ANKRD44: variants seen among roughly 807,000 people sequenced by gnomAD.
The protein encoded by ANKRD44 is ankyrin repeat domain 44, also known as serine/threonine-protein phosphatase 6 regulatory ankyrin repeat subunit B.
ANKRD44 carries 35 observed loss-of-function variants against 116.0 expected under a neutral mutation model. The ratio of observed to expected loss-of-function variants is 0.30; its 90% CI spans 0.23 to 0.40. The LOEUF (loss-of-function observed/expected upper bound fraction) is 0.40. ANKRD44 is among the 10% of genes least tolerant of loss of function. The pLI, the probability that ANKRD44 is intolerant of heterozygous loss-of-function variation, is 1.00. For missense variants in ANKRD44, 1,014 were observed against 1,242.6 expected (o/e 0.82, Z 2.77); for synonymous variants, 435 against 461.8 (o/e 0.94, Z 0.74).
intron 1 of ANKRD44, among the ~76,000 whole-genome samples, chr2:197,190,335 T>C (rs1277055300): frequency 1.3e-5 from 2 of 152,232 alleles, no homozygotes; most frequent in South Asian, 2.1e-4. Flanking sequence ...AACTGTGCCA[T>C]GTGGCTACTG....
rs748562607 is a variant in ANKRD44 at position 196,998,913 on chromosome 2, C to T, written c.2659G>A (p.Ala887Thr). ...CCATACAACAAGCACATACCCACAG[C>T]GCCTGCCTGCCCATTCTCAGCAGCC... ...MMAAENGQAG[A>T]VDILVNSAQA... The change falls in exon 24 of 28, where the codon GCT becomes ACT. Residue 887 changes from alanine (A) to threonine (T), a missense_variant. Physicochemically the swap from Ala to Thr is moderately conservative, Grantham distance 58. Coordinates refer to ENST00000282272, the MANE Select transcript of ANKRD44 (RefSeq NM_001195144.2). 11 of 1,613,936 alleles carry T rather than the reference C, an allele frequency of 6.8e-6. No homozygotes were observed. Among genetic ancestry groups the T allele is most frequent in the South Asian group, 2.2e-5 (2 of 91,068 alleles).
In ANKRD44 at chr2:196,988,153, T is replaced by A; in HGVS notation, c.*1438A>T. The stretch of plus-strand genomic sequence containing the variant: ...CTTTGCTGAAATGATTCTTGTACTC[T>A]CTGCTACACGACAGGAAAAATGTTA... On this transcript the variant is annotated 3_prime_UTR_variant, in exon 28 of 28. Transcript: ENST00000282272. 2 of 985,446 alleles carry A rather than the reference T, an allele frequency of 2.0e-6. No individual in the cohort carries two copies. Among genetic ancestry groups the A allele is most frequent in the Non-Finnish European group, 2.4e-6 (2 of 829,932 alleles). The allele number at this position is 985,446 out of a possible 1,614,324, so 61.0% of individuals were successfully genotyped here. A position where few individuals can be genotyped will look rare whatever the true frequency, so the allele number is the denominator to read the frequency against.
chr2:197,230,794 A>C (rs1289279004), intron 1 of ANKRD44, among the ~76,000 whole-genome samples: 1 of 152,086 alleles, frequency 6.6e-6, no homozygotes, highest in Non-Finnish European at 1.5e-5. Context: ...CTCTTCTTCC[A>C]GTGGCTCTAC....
intron 16 of ANKRD44, among the ~76,000 whole-genome samples, chr2:197,045,219 T>C (rs1046738921): frequency 3.3e-5 from 5 of 152,162 alleles, no homozygotes; most frequent in African/African-American, 1.2e-4. Flanking sequence ...TTATCCTTTC[T>C]ACCTGAGCTG....
chr2:196,993,526 T>C, intron 27 of ANKRD44, 57 bp downstream of exon 27: 1 of 1,378,354 alleles, frequency 7.3e-7, no homozygotes, highest in Non-Finnish European at 1.0e-6. Context: ...TCATTTCCTC[T>C]GGCTTCAACT....
Position 197,073,962 on chromosome 2 carries a change from A to C in ANKRD44, c.1650+4741T>G, listed in dbSNP as rs190926220. On this transcript the variant is annotated intron_variant, in intron 16 of 27. Coordinates refer to ENST00000282272, the MANE Select transcript of ANKRD44 (RefSeq NM_001195144.2). Reference sequence around the variant, plus strand: ...CAAATTCATTCATGGTAAAGCCCCCAAAATTTTTTCTGCCACATTACAAAA... The same window carrying C: ...CAAATTCATTCATGGTAAAGCCCCCCAAATTTTTTCTGCCACATTACAAAA... Among the ~76,000 whole-genome samples the C allele has an allele frequency of 5.1e-3, 772 of 152,298 alleles. 2 individuals carry two copies. Among genetic ancestry groups the C allele is most frequent in the Non-Finnish European group, 6.9e-3 (466 of 68,014 alleles).
chr2:197,028,958 CTT>C (rs570971634), intron 16 of ANKRD44: 5 of 141,824 alleles, frequency 3.5e-5, no homozygotes, highest in African/African-American at 7.9e-5. Context: ...GATTATTTTT[CTT>C]TTTTTTTTTA....
chr2:197,067,093 C>T (rs2077450550), intron 16 of ANKRD44, among the ~76,000 whole-genome samples: 3 of 152,104 alleles, frequency 2.0e-5, no homozygotes, highest in Middle Eastern at 3.2e-3. Context: ...GAGATACAGA[C>T]CAATGGAACA....
chr2:197,261,188 T>C (rs2082593762), intron 1 of ANKRD44, among the ~76,000 whole-genome samples: 1 of 151,562 alleles, frequency 6.6e-6, no homozygotes, highest in African/African-American at 2.4e-5. Flanking sequence ...CTAGGTTTTC[T>C]TCTAGGGTTT....
At chr2:197,130,438 C>T (rs527782593) in intron 4 of ANKRD44, among the ~76,000 whole-genome samples, 5 of 152,246 alleles carry the variant, frequency 3.3e-5, no homozygotes, top group South Asian at 2.1e-4. Context: ...TCTCAGTTCT[C>T]GAAGTGTGGC....
At position 197,078,833 on chromosome 2, in the gene ANKRD44, A is replaced by G; in HGVS notation, c.1539-19T>C. 1 of 1,607,148 alleles carries G rather than the reference A, an allele frequency of 6.2e-7. No homozygotes were observed. Among genetic ancestry groups the G allele is most frequent in the Non-Finnish European group, 8.5e-7 (1 of 1,175,034 alleles). ...TAGACATCTGTAAGTATAAAGATGA[A>G]GTGTTATTTTAGAAAACATCTCTGG... On this transcript the variant is annotated intron_variant, in intron 15 of 27. Transcript: ENST00000282272.
At chr2:197,216,932 C>T (rs2081459851) in intron 1 of ANKRD44, among the ~76,000 whole-genome samples, 2 of 150,348 alleles carry the variant, frequency 1.3e-5, no homozygotes. Flanking sequence ...GAAAATCACT[C>T]CTCTGGGGGA....
chr2:196,992,826 T>C (rs2075945970), intron 27 of ANKRD44: 1 of 152,684 alleles, frequency 6.5e-6, no homozygotes, highest in African/African-American at 2.4e-5. Flanking sequence ...AAGCAGTTAA[T>C]TGAGTTACAT....
In ANKRD44 at chr2:197,227,308, G is replaced by A. The variant is rs532032007; in HGVS notation, c.28-40202C>T. 6.3e-4 allele frequency among the ~76,000 whole-genome samples: 96 copies of A among 152,382 alleles called. 2 individuals carry two copies. Among genetic ancestry groups the A allele is most frequent in the African/African-American group, 2.2e-3 (92 of 41,592 alleles). On this transcript the variant is annotated intron_variant, in intron 1 of 27. Coordinates refer to ENST00000282272, the MANE Select transcript of ANKRD44 (RefSeq NM_001195144.2). ...ATAATTTGCTGACAGGTGGTCTGAA[G>A]CTTTGCTTTCAGCAATAGCTGGACC...
intron 1 of ANKRD44, among the ~76,000 whole-genome samples, chr2:197,298,124 C>T (rs1356218853): frequency 1.3e-5 from 2 of 152,250 alleles, no homozygotes; most frequent in Non-Finnish European, 2.9e-5. Context: ...CACCTACTTC[C>T]TGTTCAGGTA....
At chr2:197,268,580 C>T (rs1168331066) in intron 1 of ANKRD44, among the ~76,000 whole-genome samples, 3 of 152,148 alleles carry the variant, frequency 2.0e-5, no homozygotes, top group East Asian at 1.9e-4. Flanking sequence ...AGTCACATGG[C>T]GTGGATGACA....
At chr2:197,213,018 C>G (rs1184320345) in intron 1 of ANKRD44, among the ~76,000 whole-genome samples, 1 of 152,192 alleles carries the variant, frequency 6.6e-6, no homozygotes, top group African/African-American at 2.4e-5. Flanking sequence ...AAAGAAACAG[C>G]AATGCGGCTC....
At chr2:197,129,633 C>A (rs2079054433) in intron 4 of ANKRD44, among the ~76,000 whole-genome samples, 1 of 152,154 alleles carries the variant, frequency 6.6e-6, no homozygotes, top group Non-Finnish European at 1.5e-5. Context: ...GGTAACTGGA[C>A]ATGCCATTTG....
chr2:197,063,780 C>T (rs2077371019), intron 16 of ANKRD44, among the ~76,000 whole-genome samples: 1 of 152,128 alleles, frequency 6.6e-6, no homozygotes, highest in African/African-American at 2.4e-5. Context: ...ACGAACAAAG[C>T]CTCCAAGAAA....
Sources: allele counts gnomAD v4.1 joint callset (sites outside exome capture counted in the v4.1 genomes callset), GRCh38; gene constraint gnomAD v4.1.1; transcripts MANE v1.5; gene names NCBI Gene and HGNC (gene_info 2026-07-23, HGNC 2026-07-21).